Variants in LNX2 observed in about 807,000 individuals in gnomAD.
LNX2 encodes the protein ligand of numb-protein X 2.
Under a neutral mutation model 66.2 loss-of-function variants are expected in LNX2, and 35 were observed. The observed-to-expected ratio is 0.53, with a 90% CI of 0.40 to 0.70. The LOEUF (loss-of-function observed/expected upper bound fraction) is 0.70, where lower values mean the gene tolerates loss of function less well. LNX2 is among the 30% of genes least tolerant of loss of function. The pLI, the probability that LNX2 is intolerant of heterozygous loss-of-function variation, is 0.00. For synonymous variants in LNX2, 337 were observed against 315.6 expected (o/e 1.07, Z -0.72); for missense variants, 791 against 850.8 (o/e 0.93, Z 0.87).
intron 1 of LNX2, among the ~76,000 whole-genome samples, chr13:27,610,812 G>C (rs544761158): frequency 3.2e-4 from 49 of 152,198 alleles, no homozygotes; most frequent in African/African-American, 1.2e-3. Flanking sequence ...GATGTGAACA[G>C]ACATTTCTCC....
At chr13:27,593,565 T>G (rs1199217076) in intron 1 of LNX2, among the ~76,000 whole-genome samples, 12 of 139,654 alleles carry the variant, frequency 8.6e-5, no homozygotes, top group African/African-American at 3.3e-4. Context: ...GGCTGAAACT[T>G]TTTTTTTTTT....
chr13:27,587,593 T>C (rs1955501701), intron 1 of LNX2, among the ~76,000 whole-genome samples: 1 of 152,116 alleles, frequency 6.6e-6, no homozygotes, highest in Non-Finnish European at 1.5e-5. Context: ...AATTTACAAA[T>C]GCACAAAGAA....
chr13:27,557,790 G>T (rs1955081458), intron 6 of LNX2, among the ~76,000 whole-genome samples: 1 of 151,978 alleles, frequency 6.6e-6, no homozygotes, highest in Admixed American at 6.6e-5. Flanking sequence ...CCCAGAAAAT[G>T]TTATGACCAA....
intron 1 of LNX2, among the ~76,000 whole-genome samples, chr13:27,594,038 A>G (rs1955572350): frequency 6.6e-6 from 1 of 152,166 alleles, no homozygotes; most frequent in African/African-American, 2.4e-5. Flanking sequence ...GATTTACATT[A>G]TAAAACTGCC....
At chr13:27,615,690 T>C (rs890139243) in intron 1 of LNX2, among the ~76,000 whole-genome samples, 9 of 152,016 alleles carry the variant, frequency 5.9e-5, no homozygotes, top group African/African-American at 9.7e-5. Flanking sequence ...AATTTGAGAG[T>C]TGTATGCCAG....
intron 2 of LNX2, among the ~76,000 whole-genome samples, chr13:27,580,254 A>G (rs1451347745): frequency 6.6e-6 from 1 of 152,122 alleles, no homozygotes; most frequent in Non-Finnish European, 1.5e-5. Context: ...GAGTCTAACT[A>G]CAGCATTAAC....
rs1463692996 is a variant in LNX2 at position 27,553,402 on chromosome 13, G to A, written c.1584C>T (p.Thr528=). The change falls in exon 8 of 10, where the codon ACC becomes ACT. Residue 528 remains threonine (T), a synonymous_variant. Coordinates refer to ENST00000316334, the MANE Select transcript of LNX2 (RefSeq NM_153371.4). ...CAACTGCCTCACTGTGACTTAAATT[G>A]GTCAAATCAATGCCGTTGATATTTA... ...VLLNINGIDL[T]NLSHSEAVAM... is the part of the protein sequence containing the mutation. The A allele has an allele frequency of 3.1e-6, 5 of 1,614,060 alleles. No homozygotes were observed. The highest frequency in any genetic ancestry group is 4.2e-6 in the Non-Finnish European group (5 of 1,180,014).
In LNX2 at chr13:27,581,687, T is replaced by G. The variant is rs563836732; in HGVS notation, c.17A>C (p.Asp6Ala). ...GGTCTGTTCCACAGACACCATCTCATCACTTGTTGTTCCCATTTTGAATCA... is the reference window on the plus strand; with the variant it reads ...GGTCTGTTCCACAGACACCATCTCAGCACTTGTTGTTCCCATTTTGAATCA... MGTTS[D>A]EMVSVEQTSS... is the part of the protein sequence containing the mutation. Residue 6 changes from aspartate (D) to alanine (A), a missense_variant, in exon 2 of 10, where the codon GAT becomes GCT. Coordinates refer to ENST00000316334, the MANE Select transcript of LNX2 (RefSeq NM_153371.4). 6 of 1,602,874 alleles carry G rather than the reference T, an allele frequency of 3.7e-6. No individual in the cohort carries two copies. The South Asian group carries it at 5.6e-5, about 15-fold the overall frequency.
At chr13:27,620,051 G>A (rs1225141200) in intron 1 of LNX2, among the ~76,000 whole-genome samples, 1 of 151,862 alleles carries the variant, frequency 6.6e-6, no homozygotes, top group Non-Finnish European at 1.5e-5. Context: ...AGCAAACGAC[G>A]CCAAGCTCTG....
rs1955026915 is a variant in LNX2, at chr13:27,553,390, G to A, written c.1596C>T (p.His532=). ...CTTTCAGCATTGCAACTGCCTCACT[G>A]TGACTTAAATTGGTCAAATCAATGC... ...INGIDLTNLS[H]SEAVAMLKAS... The change falls in exon 8 of 10, where the codon CAC becomes CAT. Residue 532 remains histidine (H), a synonymous_variant. Coordinates refer to ENST00000316334, the MANE Select transcript of LNX2 (RefSeq NM_153371.4). 3.1e-6 allele frequency: 5 copies of A among 1,614,152 alleles called. No homozygotes were observed. Among genetic ancestry groups the A allele is most frequent in the East Asian group, 2.2e-5 (1 of 44,870 alleles).
intron 1 of LNX2, among the ~76,000 whole-genome samples, chr13:27,620,044 A>T (rs923339442): frequency 4.6e-5 from 7 of 152,000 alleles, no homozygotes; most frequent in African/African-American, 1.7e-4. Flanking sequence ...CTTAAGAAGC[A>T]AACGACGCCA....
chr13:27,582,025 A>G (rs1314331649), intron 1 of LNX2, among the ~76,000 whole-genome samples: 1 of 151,954 alleles, frequency 6.6e-6, no homozygotes. Flanking sequence ...GTCTCTTTTG[A>G]TTTTTTTATT....
chr13:27,601,356 G>A (rs150389885), intron 1 of LNX2, among the ~76,000 whole-genome samples: 2 of 152,064 alleles, frequency 1.3e-5, no homozygotes, highest in South Asian at 2.1e-4. Flanking sequence ...AAATAAGAAA[G>A]ACATTATATA....
intron 7 of LNX2, among the ~76,000 whole-genome samples, chr13:27,554,029 A>G (rs1001884150): frequency 6.6e-6 from 1 of 152,202 alleles, no homozygotes; most frequent in African/African-American, 2.4e-5. Flanking sequence ...AATATAATAA[A>G]AAATGGCAAT....
At chr13:27,580,738 GTATT>G (rs1260214117) in intron 2 of LNX2, among the ~76,000 whole-genome samples, 2 of 152,046 alleles carry the variant, frequency 1.3e-5, no homozygotes. Context: ...ATAAAATAAT[GTATT>G]TATTTCCATA....
chr13:27,570,873 A>C (rs1349398375), intron 2 of LNX2, among the ~76,000 whole-genome samples: 1 of 152,202 alleles, frequency 6.6e-6, no homozygotes, highest in Non-Finnish European at 1.5e-5. Flanking sequence ...ACACCTGGGA[A>C]TCAGTCTAGC....
At chr13:27,588,021 C>CCAAAAAAAAAAAAAAAAA (rs1955509486) in intron 1 of LNX2, among the ~76,000 whole-genome samples, 2 of 93,532 alleles carry the variant, frequency 2.1e-5, no homozygotes, top group African/African-American at 7.6e-5. Context: ...ACTCTTGTCA[C>CCAAAAAAAAAAAAAAAAA]AAAAAAAAAA....
chr13:27,567,905 T>C (rs972794539), intron 3 of LNX2, 66 bp from the exon 4 acceptor site: 3 of 1,272,852 alleles, frequency 2.4e-6, no homozygotes, highest in Non-Finnish European at 3.4e-6. Flanking sequence ...CAACAATTTA[T>C]ATTCTGATTA....
chr13:27,559,922 T>C lies in LNX2; in HGVS notation c.1288A>G (p.Ile430Val). Residue 430 changes from isoleucine (I) to valine (V), a missense_variant, in exon 6 of 10, where the codon ATT becomes GTT. By Grantham distance (29) the Ile-to-Val change is conservative. Transcript: ENST00000316334. ...CTGCTATGATTTCCTGCTTCTCTAATGGTGTTACCAGGCTGGGGTTTCCCT... is the reference window on the plus strand; with the variant it reads ...CTGCTATGATTTCCTGCTTCTCTAACGGTGTTACCAGGCTGGGGTTTCCCT... The part of the protein sequence containing the change: ...RPGKPQPGNT[I>V]REAGNHSSSS... The C allele has an allele frequency of 1.2e-6, 2 of 1,612,124 alleles. No individual in the cohort carries two copies. Among genetic ancestry groups the C allele is most frequent in the Non-Finnish European group, 1.7e-6 (2 of 1,178,542 alleles).
Sources: allele counts gnomAD v4.1 joint callset (sites outside exome capture counted in the v4.1 genomes callset), GRCh38; gene constraint gnomAD v4.1.1; transcripts MANE v1.5; gene names NCBI Gene and HGNC (gene_info 2026-07-23, HGNC 2026-07-21).